FAM227B: variants seen among roughly 807,000 people sequenced by gnomAD.
FAM227B encodes the protein family with sequence similarity 227 member B, also known as protein FAM227B.
In FAM227B, 88 loss-of-function variants were observed where a neutral mutation model predicts 73.8. The observed-to-expected ratio is 1.19, with a 90% CI of 1.00 to 1.42. The LOEUF is 1.42. Among genes scored for constraint, FAM227B ranks in the 40% most tolerant of loss-of-function variants. The probability of loss-of-function intolerance (pLI) is 0.00; values close to 1 mark genes in which losing one functional copy is unlikely to be tolerated. For synonymous variants in FAM227B, 210 were observed against 190.5 expected (o/e 1.10, Z -0.84); for missense variants, 632 against 590.9 (o/e 1.07, Z -0.72).
Position 49,607,238 on chromosome 15 carries a change from G to C in FAM227B, c.105+3977C>G, listed in dbSNP as rs551607768. On this transcript the variant is annotated intron_variant, in intron 3 of 15. Coordinates refer to ENST00000299338, the MANE Select transcript of FAM227B (RefSeq NM_152647.3). ...TAACACTGCAAAACTTTTCCAAAAA[G>C]GTCCCCCTGTCATTTTGAAAAAAAG... 4.2e-3 allele frequency among the ~76,000 whole-genome samples: 639 copies of C among 152,168 alleles called. 2 individuals are homozygous for C. Among genetic ancestry groups the C allele is most frequent in the Non-Finnish European group, 4.3e-3 (291 of 67,984 alleles).
intron 11 of FAM227B, among the ~76,000 whole-genome samples, chr15:49,377,722 T>C (rs2046261620): frequency 6.6e-6 from 1 of 152,122 alleles, no homozygotes; most frequent in Admixed American, 6.5e-5. Flanking sequence ...TCTTTTCCCA[T>C]AGAGTTACTT....
At chr15:49,424,897 G>A (rs2049991440) in intron 11 of FAM227B, 1 of 176,624 alleles carries the variant, frequency 5.7e-6, no homozygotes, top group Middle Eastern at 2.3e-3. Context: ...ACTTAATATT[G>A]TCTAAGCAAA....
chr15:49,476,078 T>C (rs1252046589), intron 11 of FAM227B, among the ~76,000 whole-genome samples: 1 of 152,136 alleles, frequency 6.6e-6, no homozygotes, highest in East Asian at 1.9e-4. Flanking sequence ...ATCTCTCAAT[T>C]AGCATGTTTC....
chr15:49,360,285 T>A (rs978736329), intron 13 of FAM227B, among the ~76,000 whole-genome samples: 5 of 151,642 alleles, frequency 3.3e-5, no homozygotes, highest in African/African-American at 1.2e-4. Flanking sequence ...AGTGGGAGCA[T>A]GTGTTTATAG....
At chr15:49,390,777 A>C (rs1353513642) in intron 11 of FAM227B, among the ~76,000 whole-genome samples, 2 of 152,140 alleles carry the variant, frequency 1.3e-5, no homozygotes, top group African/African-American at 4.8e-5. Flanking sequence ...AATTAAATAC[A>C]TATACAAATA....
chr15:49,569,947 T>C (rs760238005), intron 8 of FAM227B, among the ~76,000 whole-genome samples: 1 of 151,974 alleles, frequency 6.6e-6, no homozygotes, highest in Admixed American at 6.6e-5. Context: ...TCACAAATGT[T>C]AGGATTTCCT....
chr15:49,608,781 TA>T (rs2077690403), intron 3 of FAM227B, among the ~76,000 whole-genome samples: 1 of 151,856 alleles, frequency 6.6e-6, no homozygotes, highest in African/African-American at 2.4e-5. Context: ...TAACAAAAAT[TA>T]ACATTGATGA....
At chr15:49,427,666 G>C (rs551832405) in intron 11 of FAM227B, among the ~76,000 whole-genome samples, 2 of 152,134 alleles carry the variant, frequency 1.3e-5, no homozygotes, top group African/African-American at 4.8e-5. Context: ...ACCTGAGAAT[G>C]TCAATAGGCT....
intron 4 of FAM227B, 55 bp from the exon 5 acceptor site, chr15:49,588,138 A>T: frequency 9.6e-7 from 1 of 1,041,618 alleles, no homozygotes; most frequent in Middle Eastern, 3.6e-4. Flanking sequence ...ACCTCCTCTA[A>T]AAATAAACAA....
intron 2 of FAM227B, among the ~76,000 whole-genome samples, chr15:49,613,852 T>C (rs1427536802): frequency 3.9e-5 from 6 of 152,162 alleles, no homozygotes; most frequent in Non-Finnish European, 7.3e-5. Flanking sequence ...GAACATGTTA[T>C]GGGAAACAGG....
At chr15:49,535,783 C>CA (rs1262759462) in intron 10 of FAM227B, among the ~76,000 whole-genome samples, 3 of 151,834 alleles carry the variant, frequency 2.0e-5, no homozygotes, top group African/African-American at 7.2e-5. Context: ...CAGTGTGACA[C>CA]ATCATACCAA....
rs2059818786 is a variant in FAM227B at position 49,521,940 on chromosome 15, C to A, written c.875-13592G>T. On this transcript the variant is annotated intron_variant, in intron 10 of 15. Coordinates refer to ENST00000299338, the MANE Select transcript of FAM227B (RefSeq NM_152647.3). ...CCCCTATCAGGGCGGCATTTCCACTCATTATCAAGATACTGGAGGGTGATC... is the reference window on the plus strand; with the variant it reads ...CCCCTATCAGGGCGGCATTTCCACTAATTATCAAGATACTGGAGGGTGATC... Among the ~76,000 whole-genome samples the A allele has an allele frequency of 3.3e-5, 5 of 152,134 alleles. No individual in the cohort carries two copies. The South Asian group carries it at 1.0e-3, about 32-fold the overall frequency.
chr15:49,493,916 T>C (rs746989817), intron 11 of FAM227B, among the ~76,000 whole-genome samples: 1 of 151,448 alleles, frequency 6.6e-6, no homozygotes, highest in Non-Finnish European at 1.5e-5. Context: ...ATGTGTGTAG[T>C]CAATAGTACA....
At chr15:49,408,443 T>C (rs2048661870) in intron 11 of FAM227B, among the ~76,000 whole-genome samples, 1 of 152,244 alleles carries the variant, frequency 6.6e-6, no homozygotes, top group South Asian at 2.1e-4. Context: ...TGGTGGGTCA[T>C]TTCAATTGAT....
intron 9 of FAM227B, among the ~76,000 whole-genome samples, chr15:49,552,047 CTG>C (rs2073096478): frequency 6.6e-6 from 1 of 152,062 alleles, no homozygotes; most frequent in Non-Finnish European, 1.5e-5. Flanking sequence ...TTTTAATATT[CTG>C]TGTTTTTTCT....
At chr15:49,563,142 T>C (rs2074387646) in intron 9 of FAM227B, among the ~76,000 whole-genome samples, 2 of 152,134 alleles carry the variant, frequency 1.3e-5, no homozygotes, top group Non-Finnish European at 2.9e-5. Context: ...ACAACTCCAG[T>C]AGAGTTTCAG....
intron 11 of FAM227B, among the ~76,000 whole-genome samples, chr15:49,381,453 G>A (rs1360580575): frequency 6.6e-6 from 1 of 152,206 alleles, no homozygotes; most frequent in East Asian, 1.9e-4. Context: ...GCTGAAGCAG[G>A]AGGACATAAG....
chr15:49,618,444 T>G (rs2078437375), intron 1 of FAM227B, among the ~76,000 whole-genome samples: 1 of 152,204 alleles, frequency 6.6e-6, no homozygotes, highest in Non-Finnish European at 1.5e-5. Flanking sequence ...TGAGAACAGA[T>G]AAATAATACA....
intron 11 of FAM227B, among the ~76,000 whole-genome samples, chr15:49,450,802 C>T (rs950999803): frequency 6.6e-6 from 1 of 152,154 alleles, no homozygotes; most frequent in Admixed American, 6.6e-5. Flanking sequence ...ATCTGTTTTA[C>T]TGTAAAATCT....
Sources: gnomAD v4.1 joint callset for allele counts (sites outside exome capture counted in the v4.1 genomes callset) on GRCh38, gnomAD v4.1.1 for gene constraint, MANE v1.5 for transcripts, NCBI Gene and HGNC (gene_info 2026-07-23, HGNC 2026-07-21) for gene names.